The following HS6ST2 variants were observed in gnomAD, a reference collection of about 807,000 sequenced individuals.
HS6ST2 encodes the protein heparan-sulfate 6-O-sulfotransferase 2.
Under a neutral mutation model 33.0 loss-of-function variants are expected in HS6ST2, and 17 were observed. The ratio of observed to expected loss-of-function variants is 0.52; its 90% CI spans 0.35 to 0.77. The LOEUF is 0.77. Among genes scored for constraint, HS6ST2 ranks in the 30% least tolerant of loss-of-function variants. HS6ST2 has a pLI of 0.01. For synonymous variants in HS6ST2, 248 were observed against 237.1 expected (o/e 1.05, Z -0.42); for missense variants, 519 against 551.7 (o/e 0.94, Z 0.59).
chrX:132,773,542 C>G (rs1481458158), intron 2 of HS6ST2, among the ~76,000 whole-genome samples: 1 of 110,924 alleles, frequency 9.0e-6, no homozygotes, highest in African/African-American at 3.3e-5. Flanking sequence ...CATAGCAGCT[C>G]CATTCATAAT....
intron 2 of HS6ST2, among the ~76,000 whole-genome samples, chrX:132,909,635 A>T (rs898397603): frequency 1.8e-5 from 2 of 111,964 alleles, no homozygotes; most frequent in Non-Finnish European, 3.8e-5. Context: ...GTCATTCCTC[A>T]AACCATAACA....
intron 2 of HS6ST2, among the ~76,000 whole-genome samples, chrX:132,806,562 A>G (rs918425953): frequency 2.7e-5 from 3 of 110,159 alleles, no homozygotes; most frequent in African/African-American, 9.8e-5. Context: ...TTTCTAGGCC[A>G]TAGAATCTCT....
At chrX:132,651,506 A>T (rs2063692578) in intron 4 of HS6ST2, among the ~76,000 whole-genome samples, 1 of 112,377 alleles carries the variant, frequency 8.9e-6, no homozygotes, top group African/African-American at 3.2e-5. Context: ...CTTAGGCATG[A>T]GTAAGAAAGG....
chrX:132,828,863 C>T (rs2065557381), intron 2 of HS6ST2, among the ~76,000 whole-genome samples: 1 of 101,744 alleles, frequency 9.8e-6, no homozygotes, highest in Non-Finnish European at 2.0e-5. Context: ...TATATATATG[C>T]TGTATTTATA....
At chrX:132,690,993 C>T (rs1387932884) in intron 3 of HS6ST2, among the ~76,000 whole-genome samples, 1 of 111,333 alleles carries the variant, frequency 9.0e-6, no homozygotes, top group African/African-American at 3.3e-5. Flanking sequence ...TATCGTTGGT[C>T]GCATTATTAT....
intron 2 of HS6ST2, among the ~76,000 whole-genome samples, chrX:132,950,204 C>T (rs1193580899): frequency 9.0e-6 from 1 of 111,694 alleles, no homozygotes; most frequent in Non-Finnish European, 1.9e-5. Context: ...CCCACTCCTA[C>T]GAAGGCAGGG....
At chrX:132,733,100 C>T (rs2064475133) in intron 2 of HS6ST2, among the ~76,000 whole-genome samples, 1 of 111,812 alleles carries the variant, frequency 8.9e-6, no homozygotes, top group African/African-American at 3.2e-5. Context: ...CTCTACCTTT[C>T]CTCCCTTTGT....
chrX:132,901,167 T>C (rs1602843119), intron 2 of HS6ST2, among the ~76,000 whole-genome samples: 1 of 111,653 alleles, frequency 9.0e-6, no homozygotes, highest in African/African-American at 3.3e-5. Flanking sequence ...AAGAAATGAC[T>C]GCAGCCCCAG....
chrX:132,698,882 T>C (rs1355309969), intron 3 of HS6ST2, among the ~76,000 whole-genome samples: 1 of 112,208 alleles, frequency 8.9e-6, no homozygotes, highest in African/African-American at 3.2e-5. Context: ...CTTATTCAAT[T>C]GTCATATCTC....
In HS6ST2 at chrX:132,628,796, C is replaced by A. The variant is rs974501721; in HGVS notation, c.1365G>T (p.Lys455Asn). The change falls in exon 5 of 5, where the codon AAG (lysine) becomes AAT (asparagine). Residue 455 changes from lysine to asparagine, a missense_variant. Transcript: ENST00000370833. ...LSVMPEKQRNKVLLESAKSNL... is the reference protein window; with the variant it reads ...LSVMPEKQRNNVLLESAKSNL... Reference sequence around the variant, plus strand: ...TTGACTTGGCACTTTCCAGAAGGACCTTGTTTCTTTGCTTTTCAGGCATGA... The same window carrying A: ...TTGACTTGGCACTTTCCAGAAGGACATTGTTTCTTTGCTTTTCAGGCATGA... 5.5e-5 allele frequency: 66 copies of A among 1,210,187 alleles called. No homozygotes were observed. The highest frequency in any genetic ancestry group is 7.4e-5 in the Non-Finnish European group (66 of 895,226).
At chrX:132,670,949 G>A (rs906926267) in intron 3 of HS6ST2, among the ~76,000 whole-genome samples, 6 of 112,448 alleles carry the variant, frequency 5.3e-5, no homozygotes, top group Non-Finnish European at 1.1e-4. Flanking sequence ...TATCCCAGAG[G>A]AGGGGGCAGA....
chrX:132,844,042 C>T (rs1156636012), intron 2 of HS6ST2, among the ~76,000 whole-genome samples: 3 of 112,052 alleles, frequency 2.7e-5, no homozygotes, highest in Non-Finnish European at 3.8e-5. Context: ...AGCTGTGCTG[C>T]CTCATGAAAT....
At chrX:132,743,621 G>A (rs888371132) in intron 2 of HS6ST2, among the ~76,000 whole-genome samples, 16 of 111,479 alleles carry the variant, frequency 1.4e-4, no homozygotes, top group African/African-American at 1.3e-4. Context: ...GAGAGAGGGC[G>A]AGGGAAGTGG....
At chrX:132,913,342 C>T (rs1199199027) in intron 2 of HS6ST2, among the ~76,000 whole-genome samples, 1 of 112,396 alleles carries the variant, frequency 8.9e-6, no homozygotes, top group East Asian at 2.8e-4. Flanking sequence ...GGCAACAGGA[C>T]TGAAAGAGCT....
chrX:132,927,477 C>G (rs2066721068), intron 2 of HS6ST2, among the ~76,000 whole-genome samples: 1 of 111,889 alleles, frequency 8.9e-6, no homozygotes, highest in Admixed American at 9.5e-5. Flanking sequence ...TCTAGGTGTC[C>G]TGGTTTCTAT....
chrX:132,851,311 C>T (rs1037216318), intron 2 of HS6ST2, among the ~76,000 whole-genome samples: 2 of 112,280 alleles, frequency 1.8e-5, no homozygotes, highest in Non-Finnish European at 1.9e-5. Context: ...GAAATAAACA[C>T]CCACCATTAT....
chrX:132,665,661 C>T (rs1231735068), intron 4 of HS6ST2, among the ~76,000 whole-genome samples: 2 of 111,290 alleles, frequency 1.8e-5, no homozygotes, highest in Non-Finnish European at 3.8e-5. Context: ...ATATGTGAGG[C>T]TAAATGCAGT....
chrX:132,758,608 C>T (rs1404435808), intron 2 of HS6ST2, among the ~76,000 whole-genome samples: 2 of 111,633 alleles, frequency 1.8e-5, no homozygotes, highest in African/African-American at 6.5e-5. Flanking sequence ...AAGCAGAAAA[C>T]CTGCCTCAAC....
chrX:132,768,013 C>T (rs2064864801), intron 2 of HS6ST2, among the ~76,000 whole-genome samples: 1 of 111,008 alleles, frequency 9.0e-6, no homozygotes, highest in African/African-American at 3.3e-5. Context: ...TACATCTTTA[C>T]GTTGAAGGTT....
Sources: allele counts gnomAD v4.1 joint callset (sites outside exome capture counted in the v4.1 genomes callset), GRCh38; gene constraint gnomAD v4.1.1; transcripts MANE v1.5; gene names NCBI Gene and HGNC (gene_info 2026-07-23, HGNC 2026-07-21).